SRRD: variants seen among roughly 807,000 people sequenced by gnomAD.
SRRD encodes the protein SRR1 domain containing, also known as SRR1-like protein.
SRRD carries 28 observed loss-of-function variants against 30.7 expected under a neutral mutation model. The observed-to-expected ratio is 0.91, with a 90% CI of 0.68 to 1.25. The LOEUF (loss-of-function observed/expected upper bound fraction) is 1.25, where lower values mean the gene tolerates loss of function less well. Ranked by LOEUF, SRRD falls within the 50% of genes most tolerant of loss-of-function variation. SRRD has a pLI of 0.00. For missense variants in SRRD, 415 were observed against 417.3 expected (o/e 0.99, Z 0.05); for synonymous variants, 161 against 159.6 (o/e 1.01, Z -0.07).
Position 26,484,002 on chromosome 22 carries a change from GAGGCGGCGCCCCGGGGGAGA to G in SRRD, c.113_132del (p.Glu38GlyfsTer14), listed in dbSNP as rs2091617499. 3.3e-6 allele frequency: 4 copies of G among 1,201,390 alleles called. No individual in the cohort carries two copies. Among genetic ancestry groups the G allele is most frequent in the African/African-American group, 3.6e-5 (1 of 27,662 alleles). The allele number at this position is 1,201,390 out of a possible 1,614,324, so 74.4% of individuals were successfully genotyped here. ...GAGGGAGGCGGCGCCCCGGGGGAGA[GAGGCGGCGCCCCGGGGGAGA>G]GAGGCGGCGCCCCGGGGCCCCGAGG... is the stretch of plus-strand genomic sequence containing the variant. On this transcript the variant is annotated frameshift_variant, in exon 1 of 7. Coordinates refer to ENST00000215917, the MANE Select transcript of SRRD (RefSeq NM_001013694.3). LOFTEE classifies it high-confidence loss of function.
intron 5 of SRRD, chr22:26,490,823 TG>T: frequency 1.8e-6 from 1 of 547,986 alleles, no homozygotes; most frequent in Non-Finnish European, 3.2e-6. Flanking sequence ...CTCAGTCTCC[TG>T]AAGTGCTGGG....
Position 26,491,452 on chromosome 22 carries a change from T to C in SRRD, c.811-11T>C, listed in dbSNP as rs1334337951. 2.5e-6 allele frequency: 4 copies of C among 1,604,654 alleles called. No individual in the cohort carries two copies. Among genetic ancestry groups the C allele is most frequent in the Non-Finnish European group, 3.4e-6 (4 of 1,175,526 alleles). On this transcript the variant is annotated splice_polypyrimidine_tract_variant and intron_variant, in intron 6 of 6. Coordinates refer to ENST00000215917, the MANE Select transcript of SRRD (RefSeq NM_001013694.3). ...TATCTGAAGTTTTTATACTTGAATT[T>C]TTCTGCTCAGATTTTAAAAGGACTG...
Position 26,484,014 on chromosome 22 carries a change from CGGGGGAGAGAGG to C in SRRD, c.125_136del (p.Arg42_Ala46delinsPro). 1.4e-6 allele frequency: 2 copies of C among 1,402,724 alleles called. No individual in the cohort carries two copies. The highest frequency in any genetic ancestry group is 1.5e-5 in the South Asian group (1 of 65,768). 86.9% of individuals were successfully genotyped at this position (1,402,724 alleles called of 1,614,324 possible). ...GCCCCGGGGGAGAGAGGCGGCGCCC[CGGGGGAGAGAGG>C]CGGCGCCCCGGGGCCCCGAGGCGGA... On this transcript the variant is annotated inframe_deletion, in exon 1 of 7. Transcript: ENST00000215917.
At chr22:26,490,797 C>T (rs1921069706) in intron 5 of SRRD, 1 of 488,440 alleles carries the variant, frequency 2.0e-6, no homozygotes, top group Non-Finnish European at 3.7e-6. Context: ...CTCCTGACCT[C>T]AAATGATCCG....
intron 4 of SRRD, 81 bp downstream of exon 4, chr22:26,488,569 A>G: frequency 1.8e-6 from 2 of 1,084,180 alleles, no homozygotes; most frequent in South Asian, 2.5e-5. Flanking sequence ...GGACACCAGC[A>G]TTCTTTGCAG....
chr22:26,483,974 G>T lies in SRRD; in HGVS notation c.84G>T (p.Arg28=). ...RKRRSAARRP[R]RREAAPRGRE... ...GGCGCTCCGCGGCTCGACGGCCGCGGCGGAGGGAGGCGGCGCCCCGGGGGA... is the reference window on the plus strand; with the variant it reads ...GGCGCTCCGCGGCTCGACGGCCGCGTCGGAGGGAGGCGGCGCCCCGGGGGA... Residue 28 remains arginine (R), a synonymous_variant, in exon 1 of 7, where the codon CGG becomes CGT. Coordinates refer to ENST00000215917, the MANE Select transcript of SRRD (RefSeq NM_001013694.3). 1 of 1,366,782 alleles carries T rather than the reference G, an allele frequency of 7.3e-7. No individual in the cohort carries two copies. Among genetic ancestry groups the T allele is most frequent in the Non-Finnish European group, 9.3e-7 (1 of 1,069,952 alleles). The allele number at this position is 1,366,782 out of a possible 1,614,324, so 84.7% of individuals were successfully genotyped here.
At chr22:26,488,807 T>G (rs1468366135) in intron 4 of SRRD, among the ~76,000 whole-genome samples, 1 of 152,246 alleles carries the variant, frequency 6.6e-6, no homozygotes, top group Admixed American at 6.5e-5. Flanking sequence ...AAAGTCTAGG[T>G]GCCTCAAGTG....
At chr22:26,490,916 C>G in intron 5 of SRRD, 109 bp from the exon 6 acceptor site, 2 of 989,192 alleles carry the variant, frequency 2.0e-6, no homozygotes, top group Non-Finnish European at 3.0e-6. Context: ...TCTTACTATG[C>G]TTCAATCATC....
chr22:26,489,515 G>A (rs1027863349), intron 4 of SRRD, among the ~76,000 whole-genome samples: 1 of 152,028 alleles, frequency 6.6e-6, no homozygotes, highest in African/African-American at 2.4e-5. Flanking sequence ...TAACACAAGG[G>A]AAGCTGCAAG....
chr22:26,494,325 T>G lies in SRRD; in HGVS notation c.*2653T>G. 1 of 1,614,200 alleles carries G rather than the reference T, an allele frequency of 6.2e-7. No homozygotes were observed. Among genetic ancestry groups the G allele is most frequent in the Non-Finnish European group, 8.5e-7 (1 of 1,180,024 alleles). ...AGCACCTGCCAAAAAGAAAAATTAC[T>G]TGCATCCATCGTGGCAACAAATGAA... On this transcript the variant is annotated 3_prime_UTR_variant, in exon 7 of 7. Transcript: ENST00000215917.
At chr22:26,487,834 A>G (rs550796759) in intron 2 of SRRD, 195 bp from the exon 3 acceptor site, 24 of 591,686 alleles carry the variant, frequency 4.1e-5, no homozygotes, top group Middle Eastern at 9.2e-4. Flanking sequence ...CAGTTTGTCA[A>G]TTGGTGGTGA....
At position 26,491,985 on chromosome 22, in the gene SRRD, C is replaced by T; in HGVS notation, c.*313C>T. 2 of 1,559,078 alleles carry T rather than the reference C, an allele frequency of 1.3e-6. No homozygotes were observed. The highest frequency in any genetic ancestry group is 1.7e-6 in the Non-Finnish European group (2 of 1,149,578). On this transcript the variant is annotated 3_prime_UTR_variant, in exon 7 of 7. Transcript: ENST00000215917. Reference sequence around the variant, plus strand: ...CAGTACATCCCTCTTAGGGGCAAGTCTCTGACTGGTTCTGGACCTGCCACA... The same window carrying T: ...CAGTACATCCCTCTTAGGGGCAAGTTTCTGACTGGTTCTGGACCTGCCACA...
chr22:26,492,309 T>TC lies in SRRD; in HGVS notation c.*639dup. On this transcript the variant is annotated 3_prime_UTR_variant, in exon 7 of 7. Coordinates refer to ENST00000215917, the MANE Select transcript of SRRD (RefSeq NM_001013694.3). ...ATGGCCTCGTACTGGAAGTCCTTCC[T>TC]CCGCTCCGTGTGGGTGAGATAGGCA... 6.2e-7 allele frequency: 1 copy of TC among 1,614,178 alleles called. No individual in the cohort carries two copies. The highest frequency in any genetic ancestry group is 1.3e-5 in the African/African-American group (1 of 75,046).
At position 26,491,661 on chromosome 22, in the gene SRRD, G is replaced by C; in HGVS notation, c.1009G>C (p.Ala337Pro). The C allele has an allele frequency of 6.2e-7, 1 of 1,610,348 alleles. No individual in the cohort carries two copies. The highest frequency in any genetic ancestry group is 8.5e-7 in the Non-Finnish European group (1 of 1,179,998). The change falls in exon 7 of 7, where the codon GCT becomes CCT. Residue 337 changes from alanine (A) to proline (P), a missense_variant. Physicochemically the swap from Ala to Pro is conservative, Grantham distance 27. Coordinates refer to ENST00000215917, the MANE Select transcript of SRRD (RefSeq NM_001013694.3). The stretch of plus-strand genomic sequence containing the variant: ...CAGGAACAAGAGAGAAGATCCTTCT[G>C]CTACTGACTGAACTCGTTGTGAGGT... ...IIRNKREDPS[A>P]TD
intron 1 of SRRD, among the ~76,000 whole-genome samples, chr22:26,485,734 T>C (rs1171471013): frequency 6.6e-6 from 1 of 152,210 alleles, no homozygotes; most frequent in Non-Finnish European, 1.5e-5. Context: ...TTTATTGAGC[T>C]GCAATTCTAT....
intron 1 of SRRD, among the ~76,000 whole-genome samples, chr22:26,485,750 G>T (rs2147106109): frequency 6.6e-6 from 1 of 152,272 alleles, no homozygotes; most frequent in East Asian, 1.9e-4. Context: ...TCTATGCTAG[G>T]CTCTGTTGTA....
At chr22:26,489,528 G>A (rs1319881059) in intron 4 of SRRD, among the ~76,000 whole-genome samples, 3 of 152,018 alleles carry the variant, frequency 2.0e-5, no homozygotes, top group Non-Finnish European at 4.4e-5. Context: ...GCTGCAAGGA[G>A]AGGAGAGGCA....
In SRRD at chr22:26,488,291, AC is replaced by A. The variant is rs988798983; in HGVS notation, c.510+4del. On this transcript the variant is annotated splice_donor_region_variant and intron_variant, in intron 3 of 6. Coordinates refer to ENST00000215917, the MANE Select transcript of SRRD (RefSeq NM_001013694.3). ...TGCTTTTGTTGGAAAAGTGCCAGGTACATTTTTGGATTCATTTTCATCTCCT... is the reference window on the plus strand; with the variant it reads ...TGCTTTTGTTGGAAAAGTGCCAGGTAATTTTTGGATTCATTTTCATCTCCT... The A allele has an allele frequency of 1.2e-6, 2 of 1,613,370 alleles. No homozygotes were observed. The highest frequency in any genetic ancestry group is 1.7e-6 in the Non-Finnish European group (2 of 1,179,370).
chr22:26,489,851 C>T (rs1920985229), intron 4 of SRRD, among the ~76,000 whole-genome samples, 193 bp from the exon 5 acceptor site: 1 of 152,158 alleles, frequency 6.6e-6, no homozygotes, highest in African/African-American at 2.4e-5. Context: ...TCTTTCGGGA[C>T]ATCATGATTT....
Sources: allele counts gnomAD v4.1 joint callset (sites outside exome capture counted in the v4.1 genomes callset), GRCh38; gene constraint gnomAD v4.1.1; transcripts MANE v1.5; gene names NCBI Gene and HGNC (gene_info 2026-07-23, HGNC 2026-07-21).